The following CCDC30 variants were observed in gnomAD, a reference collection of about 807,000 sequenced individuals.
CCDC30 encodes coiled-coil domain-containing protein 30.
Under a neutral mutation model 100.2 loss-of-function variants are expected in CCDC30, and 70 were observed. The observed-to-expected ratio is 0.70, with a 90% CI of 0.58 to 0.85. The LOEUF is 0.85. CCDC30 is among the 40% of genes least tolerant of loss of function. The pLI, the probability that CCDC30 is intolerant of heterozygous loss-of-function variation, is 0.00. For missense variants in CCDC30, 652 were observed against 771.2 expected (o/e 0.85, Z 1.83); for synonymous variants, 233 against 269.5 (o/e 0.86, Z 1.33).
At chr1:42,473,244 A>C (rs1341827895) in intron 1 of CCDC30, 1 of 1,231,626 alleles carries the variant, frequency 8.1e-7, no homozygotes, top group South Asian at 4.1e-5. Flanking sequence ...AGACAGGCTG[A>C]GGACTGCTAC....
At chr1:42,549,328 A>T (rs1428304579) in intron 6 of CCDC30, among the ~76,000 whole-genome samples, 1 of 152,208 alleles carries the variant, frequency 6.6e-6, no homozygotes, top group Non-Finnish European at 1.5e-5. Context: ...GGTCTCTGAG[A>T]CCAAGAAAAC....
Position 42,653,406 on chromosome 1 carries a change from G to T in CCDC30, c.1885G>T (p.Glu629Ter). 1.2e-6 allele frequency: 2 copies of T among 1,602,876 alleles called. No individual in the cohort carries two copies. The highest frequency in any genetic ancestry group is 8.5e-7 in the Non-Finnish European group (1 of 1,173,426). ...AACAATTAGTGACATCCTTGAATCC[G>T]AAGTAGTGAATGAAATATTGCCTTT... Residue 629 changes from glutamate (E) to a stop codon, truncating the protein, a stop_gained, in exon 16 of 17, where the codon GAA (glutamate) becomes TAA (stop). Transcript: ENST00000668663. LOFTEE classifies it low-confidence loss of function (END_TRUNC).
intron 6 of CCDC30, among the ~76,000 whole-genome samples, chr1:42,560,361 ATTGTTG>A (rs913606834): frequency 6.6e-6 from 1 of 151,760 alleles, no homozygotes; most frequent in African/African-American, 2.4e-5. Context: ...AGCTGTTTTT[ATTGTTG>A]TTGTTGTTGT....
At chr1:42,564,465 A>G (rs1240765853) in intron 6 of CCDC30, among the ~76,000 whole-genome samples, 1 of 151,690 alleles carries the variant, frequency 6.6e-6, no homozygotes, top group African/African-American at 2.4e-5. Context: ...GGTGCGCACC[A>G]TCACACCCAG....
At chr1:42,602,100 C>CA in intron 10 of CCDC30, among the ~76,000 whole-genome samples, 1 of 151,260 alleles carries the variant, frequency 6.6e-6, no homozygotes, top group South Asian at 2.1e-4. Context: ...TCAGTGAGCT[C>CA]AAGACAGGGT....
rs566502053 is a variant in CCDC30, at chr1:42,512,526, C to T, written c.456+13610C>T. On this transcript the variant is annotated intron_variant, in intron 6 of 16. Coordinates refer to ENST00000668663, the Ensembl canonical transcript of CCDC30. ...ATATCCTTTGTTACTATAGAATTTC[C>T]TGATCTTGCCTAACAGGATCACTTC... Among the ~76,000 whole-genome samples, 3 of 152,304 alleles carry T rather than the reference C, an allele frequency of 2.0e-5. No individual in the cohort carries two copies. The South Asian group carries it at 6.2e-4, about 32-fold the overall frequency.
At chr1:42,460,650 C>T (rs1431020174), upstream of CCDC30, among the ~76,000 whole-genome samples, 1 of 152,172 alleles carries the variant, frequency 6.6e-6, no homozygotes, top group African/African-American at 2.4e-5. Context: ...TGATCTCTGT[C>T]CTGAGGGATG....
intron 8 of CCDC30, among the ~76,000 whole-genome samples, chr1:42,579,773 C>A (rs1267236140): frequency 6.6e-6 from 1 of 151,786 alleles, no homozygotes; most frequent in Non-Finnish European, 1.5e-5. Context: ...GAGATGGGAG[C>A]ATCACTTGAA....
chr1:42,597,369 AT>A (rs1226760911), intron 10 of CCDC30, among the ~76,000 whole-genome samples: 3 of 152,206 alleles, frequency 2.0e-5, no homozygotes, highest in African/African-American at 7.2e-5. Context: ...TAGGCATAAA[AT>A]TTTCAAATGA....
chr1:42,579,338 C>T (rs1197544933), intron 8 of CCDC30, among the ~76,000 whole-genome samples: 1 of 151,336 alleles, frequency 6.6e-6, no homozygotes, highest in Non-Finnish European at 1.5e-5. Flanking sequence ...GGCAAGTGGC[C>T]AGGTGAGGTG....
intron 11 of CCDC30, among the ~76,000 whole-genome samples, chr1:42,617,590 A>C (rs1016445208): frequency 6.6e-6 from 1 of 152,160 alleles, no homozygotes; most frequent in Admixed American, 6.5e-5. Flanking sequence ...GTTTTTAAGG[A>C]AAATTTGGTG....
upstream of CCDC30, among the ~76,000 whole-genome samples, chr1:42,458,729 A>G (rs1456880449): frequency 6.6e-6 from 1 of 152,210 alleles, no homozygotes; most frequent in Non-Finnish European, 1.5e-5. Context: ...TTTATCCCAC[A>G]GTTTTTAGTT....
At chr1:42,482,905 ACTG>A in intron 3 of CCDC30, 89 bp downstream of exon 3, 3 of 837,854 alleles carry the variant, frequency 3.6e-6, no homozygotes, top group Non-Finnish European at 4.8e-6. Context: ...AAAAAAAAAC[ACTG>A]AGAAACAAGT....
At chr1:42,607,555 T>TAAAA (rs60204912) in intron 10 of CCDC30, among the ~76,000 whole-genome samples, 9 of 89,728 alleles carry the variant, frequency 1.0e-4, no homozygotes, top group Admixed American at 2.4e-4. Flanking sequence ...CTTGTCTCTA[T>TAAAA]AAAAAAAAAA....
chr1:42,501,772 T>C (rs187166020), intron 6 of CCDC30, among the ~76,000 whole-genome samples: 1 of 152,124 alleles, frequency 6.6e-6, no homozygotes, highest in Non-Finnish European at 1.5e-5. Context: ...GAACAGCAAA[T>C]ATTGCAGAAC....
chr1:42,594,608 T>C (rs1646249391), intron 10 of CCDC30: 1 of 152,214 alleles, frequency 6.6e-6, no homozygotes, highest in Admixed American at 6.5e-5. Context: ...AAGGATTGCT[T>C]GTGGCCAGAA....
downstream of CCDC30, among the ~76,000 whole-genome samples, chr1:42,656,907 T>C (rs796370329): frequency 2.0e-5 from 3 of 152,308 alleles, no homozygotes; most frequent in African/African-American, 7.2e-5. Flanking sequence ...TCATCAACAT[T>C]GGATATTATC....
chr1:42,551,310 A>C (rs891835616), intron 6 of CCDC30, among the ~76,000 whole-genome samples: 2 of 152,232 alleles, frequency 1.3e-5, no homozygotes, highest in African/African-American at 2.4e-5. Flanking sequence ...GAAAAGGAAT[A>C]GGACAGGGTT....
At chr1:42,494,050 C>A (rs894617084) in intron 4 of CCDC30, among the ~76,000 whole-genome samples, 1 of 152,146 alleles carries the variant, frequency 6.6e-6, no homozygotes, top group Non-Finnish European at 1.5e-5. Context: ...CCCATCTCTA[C>A]TAAAAATACA....
Sources: allele counts gnomAD v4.1 joint callset (sites outside exome capture counted in the v4.1 genomes callset), GRCh38; gene constraint gnomAD v4.1.1; transcripts MANE v1.5; gene names NCBI Gene and HGNC (gene_info 2026-07-23, HGNC 2026-07-21).